The following PARD3B variants were observed in gnomAD, a reference collection of about 807,000 sequenced individuals.
PARD3B encodes the protein partitioning defective 3 homolog B.
In PARD3B, 103 loss-of-function variants were observed where a neutral mutation model predicts 130.2. The ratio of observed to expected loss-of-function variants is 0.79; its 90% CI spans 0.67 to 0.93. The LOEUF (loss-of-function observed/expected upper bound fraction) is 0.93, where lower values mean the gene tolerates loss of function less well. Among genes scored for constraint, PARD3B ranks in the 40% least tolerant of loss-of-function variants. PARD3B has a pLI of 0.00. For synonymous variants in PARD3B, 583 were observed against 553.2 expected (o/e 1.05, Z -0.76); for missense variants, 1,609 against 1,499.2 (o/e 1.07, Z -1.21).
intron 18 of PARD3B, among the ~76,000 whole-genome samples, chr2:205,308,108 T>G (rs2042246795): frequency 6.6e-6 from 1 of 152,202 alleles, no homozygotes; most frequent in African/African-American, 2.4e-5. Context: ...CCAAGCACAT[T>G]CATAATTATT....
At chr2:204,808,407 G>T (rs2042850068) in intron 2 of PARD3B, among the ~76,000 whole-genome samples, 1 of 152,062 alleles carries the variant, frequency 6.6e-6, no homozygotes, top group African/African-American at 2.4e-5. Flanking sequence ...TGTGTGAAGG[G>T]AGTTTGTTGT....
At chr2:204,554,692 A>G (rs972526590) in intron 1 of PARD3B, among the ~76,000 whole-genome samples, 7 of 151,666 alleles carry the variant, frequency 4.6e-5, no homozygotes, top group African/African-American at 1.7e-4. Flanking sequence ...CACAAAAGCT[A>G]GAGTGATAAT....
chr2:204,692,153 C>A (rs529545512), intron 2 of PARD3B, among the ~76,000 whole-genome samples: 3 of 152,180 alleles, frequency 2.0e-5, no homozygotes, highest in East Asian at 3.9e-4. Flanking sequence ...GAGCTACTTC[C>A]TGAACAGGAT....
chr2:205,225,629 G>A (rs1406488576), intron 15 of PARD3B, among the ~76,000 whole-genome samples: 3 of 152,162 alleles, frequency 2.0e-5, no homozygotes, highest in African/African-American at 7.2e-5. Context: ...TGTACAAGAA[G>A]CATGACTGAG....
In PARD3B at chr2:205,313,662, C is replaced by T. The variant is rs898562490; in HGVS notation, c.2630+11961C>T. The stretch of plus-strand genomic sequence containing the variant: ...CTCTTCTCCTAATATGCGTGCACAG[C>T]TCCCATTAACGTTAATGTGAATTAC... On this transcript the variant is annotated intron_variant, in intron 18 of 22. Coordinates refer to ENST00000406610, the MANE Select transcript of PARD3B (RefSeq NM_001302769.2). Among the ~76,000 whole-genome samples, 8 of 152,294 alleles carry T rather than the reference C, an allele frequency of 5.3e-5. No individual in the cohort carries two copies. The East Asian group carries it at 1.5e-3, about 29-fold the overall frequency.
intron 22 of PARD3B, 26 bp downstream of exon 22, chr2:205,553,429 T>G: frequency 6.3e-7 from 1 of 1,594,398 alleles, no homozygotes; most frequent in Non-Finnish European, 8.6e-7. Flanking sequence ...GTCTCCCATC[T>G]CCAGCTCACC....
chr2:204,577,073 G>T (rs369723864), intron 1 of PARD3B, among the ~76,000 whole-genome samples: 1 of 152,124 alleles, frequency 6.6e-6, no homozygotes, highest in Non-Finnish European at 1.5e-5. Context: ...AAATTGATCA[G>T]AGTGTATTGT....
chr2:204,984,150 A>C (rs959287390), intron 3 of PARD3B, among the ~76,000 whole-genome samples: 16 of 152,022 alleles, frequency 1.1e-4, no homozygotes, highest in African/African-American at 3.9e-4. Flanking sequence ...TATATGATAA[A>C]ATTTTCACAG....
At chr2:204,801,287 C>G (rs2042558936) in intron 2 of PARD3B, among the ~76,000 whole-genome samples, 1 of 152,154 alleles carries the variant, frequency 6.6e-6, no homozygotes, top group Non-Finnish European at 1.5e-5. Context: ...AGCATTGAAT[C>G]TATAAATTAC....
In PARD3B at chr2:204,793,862, T is replaced by A. The variant is rs117776707; in HGVS notation, c.222+107580T>A. Among the ~76,000 whole-genome samples, 86 of 152,338 alleles carry A rather than the reference T, an allele frequency of 5.6e-4. No individual in the cohort carries two copies. In the East Asian group the frequency reaches 0.014, roughly 25 times the overall value. On this transcript the variant is annotated intron_variant, in intron 2 of 22. Coordinates refer to ENST00000406610, the MANE Select transcript of PARD3B (RefSeq NM_001302769.2). ...CTTATTTCCTTTTTATCATTACACATGTCAAAATAAATTTCTGAGACTGCA... is the reference window on the plus strand; with the variant it reads ...CTTATTTCCTTTTTATCATTACACAAGTCAAAATAAATTTCTGAGACTGCA...
chr2:205,148,047 A>G (rs1233759749), intron 10 of PARD3B, among the ~76,000 whole-genome samples: 1 of 152,052 alleles, frequency 6.6e-6, no homozygotes, highest in Non-Finnish European at 1.5e-5. Flanking sequence ...TAGCTAGACA[A>G]TATAGAGTAT....
intron 2 of PARD3B, among the ~76,000 whole-genome samples, chr2:204,929,105 T>G (rs1687840534): frequency 1.3e-5 from 2 of 152,152 alleles, no homozygotes. Flanking sequence ...ATACTTTTTT[T>G]TTTTCCATTT....
intron 2 of PARD3B, among the ~76,000 whole-genome samples, chr2:204,912,546 A>G (rs1031095961): frequency 6.6e-6 from 1 of 152,168 alleles, no homozygotes; most frequent in Non-Finnish European, 1.5e-5. Context: ...AAAAGTGCGA[A>G]GTATACAGAT....
chr2:205,423,130 T>C (rs1260267167), intron 19 of PARD3B, among the ~76,000 whole-genome samples: 1 of 152,148 alleles, frequency 6.6e-6, no homozygotes, highest in Non-Finnish European at 1.5e-5. Context: ...AGAATCACCA[T>C]AGACACAGCA....
intron 4 of PARD3B, among the ~76,000 whole-genome samples, chr2:205,056,503 G>T (rs896838421): frequency 2.0e-5 from 3 of 151,814 alleles, no homozygotes; most frequent in African/African-American, 7.3e-5. Flanking sequence ...TTAAATGATC[G>T]TAGGGACATC....
At position 205,078,026 on chromosome 2, in the gene PARD3B, T is replaced by C. The variant is rs1390470951; in HGVS notation, c.505-26400T>C. On this transcript the variant is annotated intron_variant, in intron 4 of 22. Transcript: ENST00000406610. This position sits in a 1 kb window ranked among gnomAD's most constrained non-coding sequence, Gnocchi z 4.0. ...TAATTATTAAAATGCTGCCCTTTGG[T>C]TTTTGACTTAATAATTAAGAATGAC... Among the ~76,000 whole-genome samples the C allele has an allele frequency of 5.3e-5, 8 of 152,194 alleles. No homozygotes were observed.
At chr2:205,140,937 T>C (rs970944432) in intron 10 of PARD3B, among the ~76,000 whole-genome samples, 12 of 152,194 alleles carry the variant, frequency 7.9e-5, no homozygotes, top group African/African-American at 2.9e-4. Flanking sequence ...TGCTGAAATA[T>C]GGCTGCCTTT....
At chr2:205,214,466 C>G (rs374061484) in intron 15 of PARD3B, among the ~76,000 whole-genome samples, 5 of 146,480 alleles carry the variant, frequency 3.4e-5, no homozygotes, top group Non-Finnish European at 6.0e-5. Context: ...TTAGTTGTCA[C>G]GAAAAATACC....
intron 19 of PARD3B, among the ~76,000 whole-genome samples, chr2:205,432,382 C>CT (rs1443870739): frequency 4.6e-5 from 7 of 152,128 alleles, no homozygotes; most frequent in Admixed American, 6.5e-5. Context: ...AGTTTGCTTC[C>CT]CACCTCACTG....
Sources: allele counts gnomAD v4.1 joint callset (sites outside exome capture counted in the v4.1 genomes callset), GRCh38; gene constraint gnomAD v4.1.1; non-coding constraint Gnocchi (gnomAD v3.1); transcripts MANE v1.5; gene names NCBI Gene and HGNC (gene_info 2026-07-23, HGNC 2026-07-21).